Variants in TAF4 observed in about 807,000 individuals in gnomAD.
TAF4 encodes the protein transcription initiation factor TFIID subunit 4.
Under a neutral mutation model 90.3 loss-of-function variants are expected in TAF4, and 9 were observed. The ratio of observed to expected loss-of-function variants is 0.10; its 90% CI spans 0.06 to 0.17. The LOEUF is 0.17. Ranked by LOEUF, TAF4 falls within the 10% of genes least tolerant of loss-of-function variation. The pLI is 1.00. For missense variants in TAF4, 1,351 were observed against 1,370.7 expected, an observed-to-expected ratio of 0.99 and a Z score of 0.23; for synonymous variants, 818 against 638.9, an observed-to-expected ratio of 1.28 and a Z score of -4.23.
intron 1 of TAF4, among the ~76,000 whole-genome samples, chr20:62,028,137 C>T (rs545215841): frequency 6.6e-6 from 1 of 152,310 alleles, no homozygotes; most frequent in South Asian, 2.1e-4. Flanking sequence ...CCAGGAGCCG[C>T]ACCTGCTCTG....
intron 14 of TAF4, chr20:61,978,916 A>G (rs2055516317): frequency 6.5e-6 from 1 of 153,410 alleles, no homozygotes; most frequent in Non-Finnish European, 1.5e-5. Flanking sequence ...ATCTTAAAAG[A>G]AAAACGCAAA....
chr20:61,997,695 A>C (rs374635851), intron 13 of TAF4, 26 bp from the exon 14 acceptor site: 8 of 1,600,772 alleles, frequency 5.0e-6, no homozygotes, highest in Non-Finnish European at 6.8e-6. Flanking sequence ...GGAGACAAGG[A>C]GCATCATTTC....
Position 62,003,219 on chromosome 20 carries a change from C to T in TAF4, c.2427G>A (p.Ser809=), listed in dbSNP as rs745672780. 7 of 1,614,020 alleles carry T rather than the reference C, an allele frequency of 4.3e-6. No homozygotes were observed. Among genetic ancestry groups the T allele is most frequent in the Admixed American group, 3.3e-5 (2 of 59,994 alleles). The change falls in exon 9 of 15, where the codon TCG becomes TCA. Residue 809 remains serine (S), a synonymous_variant. Transcript: ENST00000252996. The part of the protein sequence containing the change: ...LPGTKALSAV[S]AQAAAAQKNK... Reference sequence around the variant, plus strand: ...TTTTCTGTGCAGCAGCTGCTTGTGCCGAGACAGCAGAAAGGGCTTTGGTTC... The same window carrying T: ...TTTTCTGTGCAGCAGCTGCTTGTGCTGAGACAGCAGAAAGGGCTTTGGTTC...
At chr20:62,000,514 C>G (rs754093268) in intron 10 of TAF4, 38 bp downstream of exon 10, 1 of 1,595,766 alleles carries the variant, frequency 6.3e-7, no homozygotes, top group Non-Finnish European at 8.6e-7. Flanking sequence ...AGCAGCGCAG[C>G]TGTTTAATAA....
rs1445762560 is a variant in TAF4 at position 62,065,268 on chromosome 20, GCCGGGGCCGGGGCCGGGC to G, written c.525_542del (p.Pro182_Gly187del). ...CGGGCTTGCCAGGGCCAGGGCCGGG[GCCGGGGCCGGGGCCGGGC>G]CCGGGGCCGGGGCCGGCGCGGGCGG... On this transcript the variant is annotated inframe_deletion, in exon 1 of 15. Coordinates refer to ENST00000252996, the MANE Select transcript of TAF4 (RefSeq NM_003185.4). 825 of 937,828 alleles carry G rather than the reference GCCGGGGCCGGGGCCGGGC, an allele frequency of 8.8e-4. 2 individuals are homozygous for G. Among genetic ancestry groups the G allele is most frequent in the East Asian group, 3.0e-3 (24 of 8,018 alleles). The allele number at this position is 937,828 out of a possible 1,614,324, so 58.1% of individuals were successfully genotyped here.
intron 1 of TAF4, among the ~76,000 whole-genome samples, chr20:62,032,026 C>A (rs573738021): frequency 1.3e-5 from 2 of 152,226 alleles, no homozygotes; most frequent in Non-Finnish European, 2.9e-5. Flanking sequence ...TGTCCTTCTG[C>A]GAGCCTGCAC....
At chr20:62,053,591 C>A (rs780717162) in intron 1 of TAF4, among the ~76,000 whole-genome samples, 1 of 152,246 alleles carries the variant, frequency 6.6e-6, no homozygotes, top group Non-Finnish European at 1.5e-5. Context: ...CGACCTGCAG[C>A]ACTCCCCAAG....
At chr20:62,030,136 G>T (rs2055897010) in intron 1 of TAF4, among the ~76,000 whole-genome samples, 1 of 152,240 alleles carries the variant, frequency 6.6e-6, no homozygotes, top group Non-Finnish European at 1.5e-5. Flanking sequence ...GCGGCCACGT[G>T]CACAAGGAGA....
intron 14 of TAF4, among the ~76,000 whole-genome samples, chr20:61,982,163 C>T (rs1257777360): frequency 5.4e-4 from 18 of 33,188 alleles, no homozygotes; most frequent in South Asian, 2.4e-3. Flanking sequence ...ACCAAACTCA[C>T]ACCCCACCCG....
At chr20:62,056,810 A>C (rs1356957390) in intron 1 of TAF4, among the ~76,000 whole-genome samples, 1 of 152,184 alleles carries the variant, frequency 6.6e-6, no homozygotes, top group African/African-American at 2.4e-5. Context: ...ATGAAAAAAA[A>C]ACTAATTTTA....
chr20:62,065,294 CGGGG>C lies in TAF4; in HGVS notation c.513_516del (p.Pro172AlafsTer26). On this transcript the variant is annotated frameshift_variant, in exon 1 of 15. Transcript: ENST00000252996. LOFTEE classifies it high-confidence loss of function. ...CCGGGGCCGGGGCCGGGCCCGGGGC[CGGGG>C]CCGGCGCGGGCGGCCAGCGCGGCGG... 1.1e-6 allele frequency: 1 copy of C among 920,338 alleles called. No homozygotes were observed. Among genetic ancestry groups the C allele is most frequent in the Non-Finnish European group, 1.3e-6 (1 of 783,718 alleles). 57.0% of individuals were successfully genotyped at this position (920,338 alleles called of 1,614,324 possible).
Position 62,010,739 on chromosome 20 carries a change from T to C in TAF4, c.1642-574A>G, listed in dbSNP as rs747662164. ...CACAGAGGGGAGTTTTCAGAGCAGA[T>C]TCGAGCAATGGAGGATGGGTCATCA... On this transcript the variant is annotated intron_variant, in intron 3 of 14. Transcript: ENST00000252996. The surrounding 1 kb of genome is among the most constrained non-coding windows in gnomAD (Gnocchi z 4.5). Among the ~76,000 whole-genome samples the C allele has an allele frequency of 6.6e-6, 1 of 152,120 alleles. No homozygotes were observed. The highest frequency in any genetic ancestry group is 1.5e-5 in the Non-Finnish European group (1 of 68,026).
intron 14 of TAF4, among the ~76,000 whole-genome samples, chr20:61,991,282 G>A (rs1223513120): frequency 6.6e-6 from 1 of 151,904 alleles, no homozygotes. Context: ...TTAGCTGGGT[G>A]TGGTGGTGCA....
chr20:62,014,490 T>TGGGGAGAGGGGCTGGGC, intron 2 of TAF4, 57 bp downstream of exon 2: 1 of 1,521,138 alleles, frequency 6.6e-7, no homozygotes, highest in African/African-American at 1.4e-5. Context: ...CCAGCATGCG[T>TGGGGAGAGGGGCTGGGC]GGGGAGAGGG....
chr20:62,056,574 T>A (rs970456165), intron 1 of TAF4, among the ~76,000 whole-genome samples: 10 of 151,814 alleles, frequency 6.6e-5, no homozygotes, highest in Admixed American at 6.6e-4. Context: ...TACCAAATGC[T>A]GGAGCCTGAG....
chr20:62,031,858 G>C (rs1211196028), intron 1 of TAF4, among the ~76,000 whole-genome samples: 2 of 152,092 alleles, frequency 1.3e-5, no homozygotes, highest in African/African-American at 4.8e-5. Context: ...GGCTCGCAGG[G>C]AAGGCCCCGT....
At chr20:62,008,903 C>A in intron 5 of TAF4, 149 bp downstream of exon 5, 8 of 1,082,854 alleles carry the variant, frequency 7.4e-6, no homozygotes, top group Non-Finnish European at 1.0e-5. Flanking sequence ...GCCTTCGACA[C>A]GTGTGCACCC....
chr20:62,014,041 TG>T (rs1308885760), intron 2 of TAF4, among the ~76,000 whole-genome samples: 5 of 130,392 alleles, frequency 3.8e-5, no homozygotes, highest in African/African-American at 1.9e-4. Flanking sequence ...TGTGTGTGTG[TG>T]TGTATGTGTG....
In TAF4 at chr20:62,006,046, C is replaced by T. The variant is rs1600839675; in HGVS notation, c.2223+464G>A. ...ATCCAAACTGCACATAAGTGAACCG[C>T]TATGAGCAGCCGCGGCTTCGCCTCC... On this transcript the variant is annotated intron_variant, in intron 7 of 14. Coordinates refer to ENST00000252996, the MANE Select transcript of TAF4 (RefSeq NM_003185.4). The surrounding 1 kb of genome is among the most constrained non-coding windows in gnomAD (Gnocchi z 7.0). The T allele has an allele frequency of 1.3e-5, 2 of 155,680 alleles. No homozygotes were observed. Among genetic ancestry groups the T allele is most frequent in the African/African-American group, 4.8e-5 (2 of 41,740 alleles). 9.6% of individuals were successfully genotyped at this position (155,680 alleles called of 1,614,324 possible). A position where few individuals can be genotyped will look rare whatever the true frequency, so the allele number is the denominator to read the frequency against.
Sources: allele counts gnomAD v4.1 joint callset (sites outside exome capture counted in the v4.1 genomes callset), GRCh38; gene constraint gnomAD v4.1.1; non-coding constraint Gnocchi (gnomAD v3.1); transcripts MANE v1.5; gene names NCBI Gene and HGNC (gene_info 2026-07-23, HGNC 2026-07-21).